Variants in AJAP1 observed in about 807,000 individuals in gnomAD.
AJAP1 encodes the protein adherens junction-associated protein 1.
A neutral mutation model predicts 35.0 loss-of-function variants in AJAP1; 5 were observed. The observed-to-expected ratio is 0.14, with a 90% CI of 0.07 to 0.30. The LOEUF (loss-of-function observed/expected upper bound fraction) is 0.30. AJAP1 is among the 10% of genes least tolerant of loss of function. AJAP1 has a pLI of 1.00. For missense variants in AJAP1, 586 were observed against 571.0 expected, an observed-to-expected ratio of 1.03 and a Z score of -0.27; for synonymous variants, 284 against 249.3, an observed-to-expected ratio of 1.14 and a Z score of -1.31.
At chr1:4,687,708 A>G (rs951480723) in intron 1 of AJAP1, among the ~76,000 whole-genome samples, 2 of 152,184 alleles carry the variant, frequency 1.3e-5, no homozygotes, top group Non-Finnish European at 2.9e-5. Flanking sequence ...CTCTGAGAAG[A>G]ACGAGAGCTC....
Position 4,791,050 on chromosome 1 carries a change from G to T in AJAP1, c.*8565G>T, listed in dbSNP as rs546967839. ...GGCAGGTGCTGGAGCCCAGAGAGGG[G>T]GTCACCCTCCAGCTAAAATGATTTA... On this transcript the variant is annotated 3_prime_UTR_variant, in exon 6 of 6. Transcript: ENST00000378191. 8.1e-5 allele frequency: 12 copies of T among 147,526 alleles called. No individual in the cohort carries two copies. Among genetic ancestry groups the T allele is most frequent in the Non-Finnish European group, 1.6e-4 (11 of 67,550 alleles). 9.1% of individuals were successfully genotyped at this position (147,526 alleles called of 1,614,324 possible).
rs756455384 is a variant in AJAP1 at position 4,782,452 on chromosome 1, C to T, written c.*60-93C>T. 7.2e-6 allele frequency: 2 copies of T among 278,944 alleles called. No individual in the cohort carries two copies. Among genetic ancestry groups the T allele is most frequent in the Admixed American group, 5.3e-5 (1 of 18,960 alleles). The allele number at this position is 278,944 out of a possible 1,614,324, so 17.3% of individuals were successfully genotyped here. A position where few individuals can be genotyped will look rare whatever the true frequency, so the allele number is the denominator to read the frequency against. On this transcript the variant is annotated intron_variant, in intron 5 of 5. Coordinates refer to ENST00000378191, the MANE Select transcript of AJAP1 (RefSeq NM_018836.4). This position sits in a 1 kb window ranked among gnomAD's most constrained non-coding sequence, Gnocchi z 5.3. The stretch of plus-strand genomic sequence containing the variant: ...TCGGGCTCTGCATGCGGGGGTGCTG[C>T]GTGTGGGGGTCCCAGTCGACCGAGA...
In AJAP1 at chr1:4,788,863, C is replaced by G. The variant is rs1570242899; in HGVS notation, c.*6378C>G. The G allele has an allele frequency of 6.6e-6, 1 of 152,428 alleles. No individual in the cohort carries two copies. Among genetic ancestry groups the G allele is most frequent in the African/African-American group, 2.4e-5 (1 of 41,530 alleles). 9.4% of individuals were successfully genotyped at this position (152,428 alleles called of 1,614,324 possible). On this transcript the variant is annotated 3_prime_UTR_variant, in exon 6 of 6. Transcript: ENST00000378191. ...TTCCCAAACACACCAGCCACAAGTC[C>G]ACACTCCACACCTGTAAACGCACAG...
At chr1:4,690,818 G>A (rs1029977149) in intron 1 of AJAP1, among the ~76,000 whole-genome samples, 7 of 152,192 alleles carry the variant, frequency 4.6e-5, no homozygotes, top group African/African-American at 1.4e-4. Context: ...CCACTCGGCC[G>A]CTGGTGCCTG....
At chr1:4,719,074 T>C (rs1640460098) in intron 2 of AJAP1, among the ~76,000 whole-genome samples, 1 of 152,156 alleles carries the variant, frequency 6.6e-6, no homozygotes, top group Non-Finnish European at 1.5e-5. Flanking sequence ...TGATATATAG[T>C]GGGTTGAATT....
chr1:4,751,832 G>A (rs1028158445), intron 2 of AJAP1, among the ~76,000 whole-genome samples: 34 of 152,328 alleles, frequency 2.2e-4, no homozygotes, highest in African/African-American at 6.3e-4. Flanking sequence ...ATTGGGTCAC[G>A]GGCACAGAAG....
rs1170510768 is a variant in AJAP1 at position 4,789,351 on chromosome 1, A to G, written c.*6866A>G. On this transcript the variant is annotated 3_prime_UTR_variant, in exon 6 of 6. Transcript: ENST00000378191. This position sits in a 1 kb window ranked among gnomAD's most constrained non-coding sequence, Gnocchi z 4.4. ...CTTGGGACTGGATTAACTCTTGTCA[A>G]TATCTTGGATTCCATAGTAAAACAT... The G allele has an allele frequency of 1.3e-5, 2 of 152,242 alleles. No homozygotes were observed. The highest frequency in any genetic ancestry group is 2.9e-5 in the Non-Finnish European group (2 of 68,034). The allele number at this position is 152,242 out of a possible 1,614,324, so 9.4% of individuals were successfully genotyped here. A position where few individuals can be genotyped will look rare whatever the true frequency, so the allele number is the denominator to read the frequency against.
intron 2 of AJAP1, among the ~76,000 whole-genome samples, chr1:4,755,558 C>T (rs1641411409): frequency 6.6e-6 from 1 of 152,146 alleles, no homozygotes; most frequent in African/African-American, 2.4e-5. Context: ...CCTGCCTGCC[C>T]ATGGACTCAG....
At chr1:4,768,546 C>T (rs7518471) in intron 2 of AJAP1, among the ~76,000 whole-genome samples, 61,070 of 152,142 alleles carry the variant, frequency 0.4, 12,885 homozygotes, top group African/African-American at 0.49. Context: ...CACTGAAACC[C>T]GCCATGCTGA....
At chr1:4,711,649 A>G (rs1307976055) in intron 1 of AJAP1, among the ~76,000 whole-genome samples, 1 of 152,160 alleles carries the variant, frequency 6.6e-6, no homozygotes, top group Non-Finnish European at 1.5e-5. Context: ...TGTGCCTGGC[A>G]GGCGCCTCAG....
intron 2 of AJAP1, among the ~76,000 whole-genome samples, chr1:4,736,701 C>T (rs995849641): frequency 6.6e-6 from 1 of 152,080 alleles, no homozygotes; most frequent in Non-Finnish European, 1.5e-5. Flanking sequence ...GTAGGGAGTT[C>T]AATATGTATT....
intron 2 of AJAP1, among the ~76,000 whole-genome samples, chr1:4,729,570 C>T (rs1418230597): frequency 1.3e-5 from 2 of 152,252 alleles, no homozygotes; most frequent in African/African-American, 2.4e-5. Flanking sequence ...CTGGTTCCTT[C>T]TGGGGCTGTG....
chr1:4,709,934 C>T (rs1319819163), intron 1 of AJAP1, among the ~76,000 whole-genome samples: 4 of 152,126 alleles, frequency 2.6e-5, no homozygotes, highest in Non-Finnish European at 4.4e-5. Context: ...CCATCTGTTC[C>T]CCAGATATCT....
chr1:4,725,432 C>T (rs1640632261), intron 2 of AJAP1, among the ~76,000 whole-genome samples: 1 of 152,132 alleles, frequency 6.6e-6, no homozygotes, highest in African/African-American at 2.4e-5. Context: ...CCCCCTGGTG[C>T]CTGGCGAGGG....
At position 4,784,542 on chromosome 1, in the gene AJAP1, C is replaced by A. The variant is rs952335250; in HGVS notation, c.*2057C>A. 2 of 152,220 alleles carry A rather than the reference C, an allele frequency of 1.3e-5. No homozygotes were observed. The highest frequency in any genetic ancestry group is 2.9e-5 in the Non-Finnish European group (2 of 68,034). The allele number at this position is 152,220 out of a possible 1,614,324, so 9.4% of individuals were successfully genotyped here. A position where few individuals can be genotyped will look rare whatever the true frequency, so the allele number is the denominator to read the frequency against. On this transcript the variant is annotated 3_prime_UTR_variant, in exon 6 of 6. Coordinates refer to ENST00000378191, the MANE Select transcript of AJAP1 (RefSeq NM_018836.4). ...CCTTGGGCTCAGTCTCCCTCTAAAACACCTTGTGATATGCTTCAGAAGTTC... is the reference window on the plus strand; with the variant it reads ...CCTTGGGCTCAGTCTCCCTCTAAAAAACCTTGTGATATGCTTCAGAAGTTC...
rs1248104903 is a variant in AJAP1, at chr1:4,712,208, C to T, written c.338C>T (p.Pro113Leu). 2 of 1,563,464 alleles carry T rather than the reference C, an allele frequency of 1.3e-6. No homozygotes were observed. Among genetic ancestry groups the T allele is most frequent in the Admixed American group, 1.9e-5 (1 of 53,136 alleles). ...CGGGACCAGGCGGCCGCCCTCGTGC[C>T]CAAGGCAGGACTGGCCAAGCCCCCA... is the stretch of plus-strand genomic sequence containing the variant. ...RPRDQAAALV[P>L]KAGLAKPPAA... The change falls in exon 2 of 6, where the codon CCC becomes CTC. Residue 113 changes from proline (P) to leucine (L), a missense_variant. By Grantham distance (98) the Pro-to-Leu change is moderately conservative. Transcript: ENST00000378191.
At position 4,791,527 on chromosome 1, in the gene AJAP1, T is replaced by C. The variant is rs561076173; in HGVS notation, c.*9042T>C. ...AAGTCTGGCTCTAATGTATGTTTTA[T>C]GAAGTCTGATTAGCTTTGAAATGCA... is the stretch of plus-strand genomic sequence containing the variant. On this transcript the variant is annotated 3_prime_UTR_variant, in exon 6 of 6. Coordinates refer to ENST00000378191, the MANE Select transcript of AJAP1 (RefSeq NM_018836.4). The C allele has an allele frequency of 1.3e-5, 2 of 152,256 alleles. No individual in the cohort carries two copies. Among genetic ancestry groups the C allele is most frequent in the Non-Finnish European group, 2.9e-5 (2 of 68,046 alleles). 9.4% of individuals were successfully genotyped at this position (152,256 alleles called of 1,614,324 possible).
intron 5 of AJAP1, among the ~76,000 whole-genome samples, chr1:4,776,770 C>T (rs1641948443): frequency 6.6e-6 from 1 of 152,204 alleles, no homozygotes; most frequent in African/African-American, 2.4e-5. Context: ...CACTTCCCAA[C>T]TGTGCCTGAG....
chr1:4,695,158 G>A (rs1639829460), intron 1 of AJAP1, among the ~76,000 whole-genome samples: 1 of 152,126 alleles, frequency 6.6e-6, no homozygotes, highest in Non-Finnish European at 1.5e-5. Context: ...TCCCTACAGG[G>A]AGTGGCCATG....
Sources: allele counts gnomAD v4.1 joint callset (sites outside exome capture counted in the v4.1 genomes callset), GRCh38; gene constraint gnomAD v4.1.1; non-coding constraint Gnocchi (gnomAD v3.1); transcripts MANE v1.5; gene names NCBI Gene and HGNC (gene_info 2026-07-23, HGNC 2026-07-21).